The following NME2 variants were observed in gnomAD, a reference collection of about 807,000 sequenced individuals.
NME2 encodes NME/NM23 nucleoside diphosphate kinase 2, also known as nucleoside diphosphate kinase B.
NME2 carries 18 observed loss-of-function variants against 17.8 expected under a neutral mutation model. That is an observed-to-expected ratio of 1.01 (90% CI 0.70 to 1.50). NME2 has a LOEUF of 1.50. NME2 is among the 40% of genes most tolerant of loss of function. The probability of loss-of-function intolerance (pLI) is 0.00; values close to 1 mark genes in which losing one functional copy is unlikely to be tolerated. For synonymous variants in NME2, 74 were observed against 71.4 expected (o/e 1.04, Z -0.19); for missense variants, 161 against 195.6 (o/e 0.82, Z 1.05).
In NME2 at chr17:51,168,243, C is replaced by T; in HGVS notation, c.128C>T (p.Ala43Val). The change falls in exon 3 of 5, where the codon GCC (alanine) becomes GTC (valine). Residue 43 changes from alanine (A) to valine (V), a missense_variant and splice_region_variant. Transcript: ENST00000512737. Reference sequence around the variant, plus strand: ...CTGGTGCCTCCTCTCCAATGCCAGGCCTCTGAAGAACACCTGAAGCAGCAC... The same window carrying T: ...CTGGTGCCTCCTCTCCAATGCCAGGTCTCTGAAGAACACCTGAAGCAGCAC... Reference protein sequence around the residue: ...FRLVAMKFLRASEEHLKQHYI... With the variant: ...FRLVAMKFLRVSEEHLKQHYI... The T allele has an allele frequency of 2.5e-6, 4 of 1,613,676 alleles. No homozygotes were observed. The highest frequency in any genetic ancestry group is 3.4e-6 in the Non-Finnish European group (4 of 1,179,728).
intron 2 of NME2, 36 bp downstream of exon 2, chr17:51,166,992 C>T (rs780610540): frequency 6.2e-7 from 1 of 1,609,856 alleles, no homozygotes; most frequent in East Asian, 2.3e-5. Context: ...CCGCTGCAGC[C>T]GGCTCGCGGG....
Position 51,171,643 on chromosome 17 carries a change from G to A in NME2, c.*39G>A. ...CAGCAGTCTCCTTCAGCACGGCGTG[G>A]TGTGTCCCTGGACACAGCTCTTCAT... On this transcript the variant is annotated 3_prime_UTR_variant, in exon 5 of 5. Coordinates refer to ENST00000512737, the MANE Select transcript of NME2 (RefSeq NM_002512.4). 1 of 1,457,278 alleles carries A rather than the reference G, an allele frequency of 6.9e-7. No homozygotes were observed. Among genetic ancestry groups the A allele is most frequent in the Non-Finnish European group, 9.6e-7 (1 of 1,039,398 alleles). The allele number at this position is 1,457,278 out of a possible 1,614,324, so 90.3% of individuals were successfully genotyped here. A position where few individuals can be genotyped will look rare whatever the true frequency, so the allele number is the denominator to read the frequency against.
chr17:51,167,312 C>A, intron 2 of NME2: 1 of 321,448 alleles, frequency 3.1e-6, no homozygotes, highest in South Asian at 2.7e-5. Flanking sequence ...AGAATGGAGG[C>A]TTGGAATCTC....
chr17:51,168,794 C>T (rs1598250607), intron 3 of NME2, among the ~76,000 whole-genome samples: 1 of 152,020 alleles, frequency 6.6e-6, no homozygotes, highest in Admixed American at 6.6e-5. Context: ...CCTGTAATCC[C>T]AGCGCTTTGG....
chr17:51,167,470 C>A (rs1442415684), intron 2 of NME2, among the ~76,000 whole-genome samples: 1 of 152,214 alleles, frequency 6.6e-6, no homozygotes, highest in Non-Finnish European at 1.5e-5. Flanking sequence ...TTCAACCAGG[C>A]TCATCGGTGA....
Position 51,171,564 on chromosome 17 carries a change from T to A in NME2, c.419T>A (p.Val140Asp), listed in dbSNP as rs763321344. ...ISLWFKPEEL[V>D]DYKSCAHDWV... ...CTATGGTTTAAGCCTGAAGAACTGG[T>A]TGACTACAAGTCTTGTGCTCATGAC... The change falls in exon 5 of 5, where the codon GTT becomes GAT. Residue 140 changes from valine (V) to aspartate (D), a missense_variant. Physicochemically the swap from Val to Asp is radical, Grantham distance 152 (BLOSUM62 -3). Coordinates refer to ENST00000512737, the MANE Select transcript of NME2 (RefSeq NM_002512.4). 10 of 1,613,810 alleles carry A rather than the reference T, an allele frequency of 6.2e-6. No homozygotes were observed. In the South Asian group the frequency reaches 1.1e-4, roughly 18 times the overall value.
chr17:51,170,073 G>C (rs140339463), intron 4 of NME2, 24 bp downstream of exon 4: 1 of 1,584,452 alleles, frequency 6.3e-7, no homozygotes. Context: ...CAGGAGGGTG[G>C]ATGACTTTTA....
In NME2 at chr17:51,171,540, T is replaced by C. The variant is rs368352956; in HGVS notation, c.395T>C (p.Leu132Pro). The change falls in exon 5 of 5, where the codon CTA becomes CCA. Residue 132 changes from leucine to proline, a missense_variant. Physicochemically the swap from Leu to Pro is moderately conservative, Grantham distance 98 (BLOSUM62 -3). Transcript: ENST00000512737. ...SVKSAEKEISLWFKPEELVDY... is the reference protein window; with the variant it reads ...SVKSAEKEISPWFKPEELVDY... ...AAAAGTGCTGAAAAAGAAATCAGCC[T>C]ATGGTTTAAGCCTGAAGAACTGGTT... The C allele has an allele frequency of 1.2e-6, 2 of 1,613,754 alleles. No individual in the cohort carries two copies. Among genetic ancestry groups the C allele is most frequent in the African/African-American group, 2.7e-5 (2 of 74,932 alleles).
At chr17:51,166,758 G>T (rs968546800) in intron 1 of NME2, 69 bp from the exon 2 acceptor site, 13 of 1,447,112 alleles carry the variant, frequency 9.0e-6, no homozygotes, top group African/African-American at 1.5e-5. Flanking sequence ...GACCGGCGGC[G>T]CCCACGTGGC....
At chr17:51,168,148 G>C (rs1320202403) in intron 2 of NME2, 94 bp from the exon 3 acceptor site, 1 of 1,129,634 alleles carries the variant, frequency 8.9e-7, no homozygotes, top group Non-Finnish European at 1.3e-6. Context: ...ACGTGGGCTA[G>C]AATATAAAAC....
Position 51,170,057 on chromosome 17 carries a change from C to T in NME2, c.341+8C>T, listed in dbSNP as rs775692181. On this transcript the variant is annotated splice_region_variant and intron_variant, in intron 4 of 4. Transcript: ENST00000512737. Reference sequence around the variant, plus strand: ...CTGCATTCAGGTTGGCAGGTAAGTCCGGGGACAGGAGGGTGGATGACTTTT... The same window carrying T: ...CTGCATTCAGGTTGGCAGGTAAGTCTGGGGACAGGAGGGTGGATGACTTTT... The T allele has an allele frequency of 1.0e-5, 16 of 1,602,364 alleles. No individual in the cohort carries two copies. Among genetic ancestry groups the T allele is most frequent in the African/African-American group, 4.0e-5 (3 of 74,348 alleles).
At chr17:51,170,398 C>T (rs7218073) in intron 4 of NME2, among the ~76,000 whole-genome samples, 4,623 of 151,904 alleles carry the variant, frequency 0.03, 256 homozygotes, top group African/African-American at 0.11. Context: ...CCTCGGCCCC[C>T]CAAGGTGCTG....
At position 51,166,554 on chromosome 17, in the gene NME2, G is replaced by A. The variant is rs576683256; in HGVS notation, c.-5+57G>A. The A allele has an allele frequency of 6.9e-5, 16 of 231,238 alleles. No individual in the cohort carries two copies. In the South Asian group the frequency reaches 2.8e-3, roughly 41 times the overall value. The allele number at this position is 231,238 out of a possible 1,614,324, so 14.3% of individuals were successfully genotyped here. On this transcript the variant is annotated intron_variant, in intron 1 of 4. Transcript: ENST00000512737. ...TCCTCCCGTTCCCTCTTCCGCTTGC[G>A]CTGCCGCAGGTGGGCCCGGTCTGTG...
chr17:51,167,758 G>A (rs1256569767), intron 2 of NME2, among the ~76,000 whole-genome samples: 1 of 152,194 alleles, frequency 6.6e-6, no homozygotes, highest in Non-Finnish European at 1.5e-5. Context: ...AGGCCGAGGT[G>A]GGTGGAGCCC....
At chr17:51,170,946 T>C (rs2144894441) in intron 4 of NME2, among the ~76,000 whole-genome samples, 1 of 152,314 alleles carries the variant, frequency 6.6e-6, no homozygotes, top group South Asian at 2.1e-4. Flanking sequence ...CCATGAGTAC[T>C]TTGTCCATGG....
intron 2 of NME2, chr17:51,167,194 C>T (rs965274267): frequency 3.3e-6 from 3 of 909,020 alleles, no homozygotes; most frequent in South Asian, 3.7e-5. Flanking sequence ...GTTTGGGTTC[C>T]TTCCCGCGGG....
chr17:51,166,137 GTGTGTGTA>G, upstream of NME2: 1 of 151,980 alleles, frequency 6.6e-6, no homozygotes, highest in Non-Finnish European at 1.4e-5. Flanking sequence ...GTGTGTGTGT[GTGTGTGTA>G]GGAGCTTTTG....
chr17:51,171,651 C>G lies in NME2; in HGVS notation c.*47C>G, dbSNP rs1003510986. ...TCCTTCAGCACGGCGTGGTGTGTCC[C>G]TGGACACAGCTCTTCATTCCATTGA... On this transcript the variant is annotated 3_prime_UTR_variant, in exon 5 of 5. Coordinates refer to ENST00000512737, the MANE Select transcript of NME2 (RefSeq NM_002512.4). 7.6e-7 allele frequency: 1 copy of G among 1,321,424 alleles called. No individual in the cohort carries two copies. 81.9% of individuals were successfully genotyped at this position (1,321,424 alleles called of 1,614,324 possible).
chr17:51,168,984 T>G (rs41456547), intron 3 of NME2, among the ~76,000 whole-genome samples: 18,981 of 152,064 alleles, frequency 0.12, 1,785 homozygotes, highest in African/African-American at 0.26. Flanking sequence ...ACTCAATTTC[T>G]TCTGTTTGAC....
Sources: gnomAD v4.1 joint callset for allele counts (sites outside exome capture counted in the v4.1 genomes callset) on GRCh38, gnomAD v4.1.1 for gene constraint, MANE v1.5 for transcripts, NCBI Gene and HGNC (gene_info 2026-07-23, HGNC 2026-07-21) for gene names.